The following RBFOX1 variants were observed in gnomAD, a reference collection of about 807,000 sequenced individuals.
The protein encoded by RBFOX1 is RNA binding protein fox-1 homolog 1.
In RBFOX1, 8 loss-of-function variants were observed where a neutral mutation model predicts 57.7. That is an observed-to-expected ratio of 0.14 (90% CI 0.08 to 0.25). The LOEUF (loss-of-function observed/expected upper bound fraction) is 0.25. RBFOX1 is among the 10% of genes least tolerant of loss of function. RBFOX1 has a pLI of 1.00. For missense variants in RBFOX1, 611 were observed against 548.5 expected (o/e 1.11, Z -1.14); for synonymous variants, 326 against 222.4 (o/e 1.47, Z -4.15).
chr16:5,549,064 T>C (rs4387604), intron 2 of RBFOX1, among the ~76,000 whole-genome samples: 44,862 of 152,182 alleles, frequency 0.29, 7,366 homozygotes, highest in Non-Finnish European at 0.37. Flanking sequence ...TAGATAGTAT[T>C]CTGAAAAGAG....
chr16:5,730,999 C>G (rs1342253955), intron 3 of RBFOX1, among the ~76,000 whole-genome samples: 1 of 148,302 alleles, frequency 6.7e-6, no homozygotes, highest in Non-Finnish European at 1.5e-5. Flanking sequence ...ATCACCATTA[C>G]CACTGCCATT....
chr16:6,525,787 A>G (rs999497403), intron 2 of RBFOX1, among the ~76,000 whole-genome samples: 1 of 152,000 alleles, frequency 6.6e-6, no homozygotes, highest in African/African-American at 2.4e-5. Flanking sequence ...AGGGTCATGA[A>G]TCCCATTCAT....
intron 2 of RBFOX1, among the ~76,000 whole-genome samples, chr16:6,559,820 A>G (rs78144012): frequency 0.025 from 3,795 of 152,212 alleles, 50 homozygotes; most frequent in Middle Eastern, 0.065. Context: ...AAAGACGACA[A>G]ACTGAAGTTG....
At chr16:7,231,335 A>G (rs79651930) in intron 4 of RBFOX1, among the ~76,000 whole-genome samples, 4,749 of 152,222 alleles carry the variant, frequency 0.031, 228 homozygotes, top group African/African-American at 0.11. Flanking sequence ...ATCGACTACT[A>G]TCGTTCACGT....
At chr16:6,886,426 C>G (rs1308366089) in intron 3 of RBFOX1, among the ~76,000 whole-genome samples, 1 of 151,948 alleles carries the variant, frequency 6.6e-6, no homozygotes, top group Non-Finnish European at 1.5e-5. Flanking sequence ...TTTTGTCCCG[C>G]TATTGATTGC....
chr16:5,621,184 C>T (rs1207068506), intron 3 of RBFOX1, among the ~76,000 whole-genome samples: 1 of 152,092 alleles, frequency 6.6e-6, no homozygotes, highest in Non-Finnish European at 1.5e-5. Context: ...TCCTGTGTTT[C>T]CCGGCTGGTC....
rs571848398 is a variant in RBFOX1, at chr16:7,710,283, TCAA to T, written c.1072-335_1072-333del. 927 of 1,126,170 alleles carry T rather than the reference TCAA, an allele frequency of 8.2e-4. 1 individual carries two copies. Among genetic ancestry groups the T allele is most frequent in the Middle Eastern group, 1.5e-3 (4 of 2,612 alleles). 69.8% of individuals were successfully genotyped at this position (1,126,170 alleles called of 1,614,324 possible). ...AATGTGTTGGAGAGTTGAATTACAT[TCAA>T]CAACTGGTCCAAATTCAACCTCAAG... On this transcript the variant is annotated intron_variant, in intron 15 of 15. Transcript: ENST00000550418.
At chr16:6,802,963 C>A (rs1031089424) in intron 3 of RBFOX1, among the ~76,000 whole-genome samples, 2 of 152,178 alleles carry the variant, frequency 1.3e-5, no homozygotes, top group Non-Finnish European at 2.9e-5. Context: ...TCTTCCACAA[C>A]AATTTTTATT....
intron 3 of RBFOX1, among the ~76,000 whole-genome samples, chr16:6,747,782 C>T (rs2074069261): frequency 6.6e-6 from 1 of 152,104 alleles, no homozygotes; most frequent in Non-Finnish European, 1.5e-5. Context: ...TGTCAATCTA[C>T]ATGCTCATAG....
intron 1 of RBFOX1, among the ~76,000 whole-genome samples, chr16:5,443,053 G>T (rs554251844): frequency 6.6e-6 from 1 of 152,148 alleles, no homozygotes; most frequent in Non-Finnish European, 1.5e-5. Context: ...AAAGAGGCAA[G>T]GAACAGTCCT....
chr16:7,088,498 C>T (rs2060321825), intron 4 of RBFOX1, among the ~76,000 whole-genome samples: 1 of 151,614 alleles, frequency 6.6e-6, no homozygotes, highest in African/African-American at 2.4e-5. Flanking sequence ...GATTTACATG[C>T]ACTTATTCTG....
rs79548518 is a variant in RBFOX1, at chr16:5,348,913, G to T, written c.219+108808G>T. ...GGCATCTCTCTGAGATCCTAATTTCGTTTCTTTTGGATATATACACAGAAG... is the reference window on the plus strand; with the variant it reads ...GGCATCTCTCTGAGATCCTAATTTCTTTTCTTTTGGATATATACACAGAAG... On this transcript the variant is annotated intron_variant, in intron 1 of 2. Transcript: ENST00000585867. 6.9e-3 allele frequency among the ~76,000 whole-genome samples: 1,049 copies of T among 152,252 alleles called. 17 individuals are homozygous for T. The highest frequency in any genetic ancestry group is 0.024 in the African/African-American group (1,004 of 41,534).
intron 3 of RBFOX1, among the ~76,000 whole-genome samples, chr16:6,987,223 A>T (rs1599256027): frequency 6.6e-6 from 1 of 152,032 alleles, no homozygotes. Context: ...AAGAATGAAA[A>T]CTTTGGCCCT....
intron 2 of RBFOX1, among the ~76,000 whole-genome samples, chr16:6,591,594 C>G (rs1245448215): frequency 6.6e-6 from 1 of 152,166 alleles, no homozygotes; most frequent in Non-Finnish European, 1.5e-5. Flanking sequence ...GTGACCCAGT[C>G]ATTTTTGTCA....
At chr16:7,317,732 G>C (rs568423473) in intron 4 of RBFOX1, among the ~76,000 whole-genome samples, 1 of 152,322 alleles carries the variant, frequency 6.6e-6, no homozygotes, top group African/African-American at 2.4e-5. Context: ...AACTGACTTT[G>C]AGTCTGAAAC....
At chr16:6,100,685 C>A (rs957914937) in intron 1 of RBFOX1, among the ~76,000 whole-genome samples, 1 of 152,146 alleles carries the variant, frequency 6.6e-6, no homozygotes, top group African/African-American at 2.4e-5. Flanking sequence ...TACAGCAACA[C>A]CTTAATATAG....
intron 2 of RBFOX1, among the ~76,000 whole-genome samples, chr16:5,531,114 A>G (rs1410870472): frequency 6.6e-6 from 1 of 150,718 alleles, no homozygotes; most frequent in Non-Finnish European, 1.5e-5. Context: ...GAGAAGAGCA[A>G]GACTCTATCT....
chr16:7,003,040 C>G (rs1171236755), intron 3 of RBFOX1, among the ~76,000 whole-genome samples: 5 of 150,000 alleles, frequency 3.3e-5, no homozygotes, highest in South Asian at 4.2e-4. Context: ...TCTTTTTTCT[C>G]TGTTGTGTTT....
intron 3 of RBFOX1, among the ~76,000 whole-genome samples, chr16:6,972,565 C>T (rs1039419349): frequency 7.9e-5 from 12 of 152,064 alleles, no homozygotes; most frequent in African/African-American, 2.9e-4. Flanking sequence ...AAATATATTG[C>T]AGCAGATTTT....
Sources: gnomAD v4.1 joint callset for allele counts (sites outside exome capture counted in the v4.1 genomes callset) on GRCh38, gnomAD v4.1.1 for gene constraint, MANE v1.5 for transcripts, NCBI Gene and HGNC (gene_info 2026-07-23, HGNC 2026-07-21) for gene names.